The following WIF1 variants were observed in gnomAD, a reference collection of about 807,000 sequenced individuals.
WIF1 encodes Wnt inhibitory factor 1.
Under a neutral mutation model 53.5 loss-of-function variants are expected in WIF1, and 35 were observed. That is an observed-to-expected ratio of 0.65 (90% CI 0.50 to 0.87). The LOEUF is 0.87. Ranked by LOEUF, WIF1 falls within the 40% of genes least tolerant of loss-of-function variation. The pLI, the probability that WIF1 is intolerant of heterozygous loss-of-function variation, is 0.00. For synonymous variants in WIF1, 171 were observed against 170.4 expected (o/e 1.00, Z -0.03); for missense variants, 467 against 476.8 (o/e 0.98, Z 0.19).
chr12:65,065,986 ACTT>A (rs143155326), intron 6 of WIF1, among the ~76,000 whole-genome samples: 2,138 of 152,290 alleles, frequency 0.014, 50 homozygotes, highest in African/African-American at 0.05. Flanking sequence ...GAGTCAGTAA[ACTT>A]CTAGGTTAGG....
chr12:65,059,109 AAGTTTC>A (rs1187259002), intron 7 of WIF1, among the ~76,000 whole-genome samples: 3 of 152,156 alleles, frequency 2.0e-5, no homozygotes, highest in Non-Finnish European at 4.4e-5. Context: ...AGATTTGACT[AAGTTTC>A]AGCTGGTGGC....
chr12:65,099,464 A>G (rs557077665), intron 2 of WIF1, among the ~76,000 whole-genome samples: 19 of 152,308 alleles, frequency 1.2e-4, no homozygotes, highest in African/African-American at 4.6e-4. Flanking sequence ...CAGTCTATAA[A>G]CAATAATTTG....
intron 2 of WIF1, among the ~76,000 whole-genome samples, chr12:65,086,173 A>T (rs936328804): frequency 6.6e-6 from 1 of 152,138 alleles, no homozygotes; most frequent in South Asian, 2.1e-4. Context: ...TATTGGTATA[A>T]ATATAGTCTT....
chr12:65,086,739 A>C (rs1385123846), intron 2 of WIF1, among the ~76,000 whole-genome samples: 1 of 145,508 alleles, frequency 6.9e-6, no homozygotes, highest in Admixed American at 6.9e-5. Context: ...CAAGGCTTAC[A>C]TTTGAATATT....
chr12:65,062,049 A>G (rs1189672214), intron 7 of WIF1, among the ~76,000 whole-genome samples: 1 of 151,582 alleles, frequency 6.6e-6, no homozygotes, highest in Non-Finnish European at 1.5e-5. Context: ...TTTCTCTTAG[A>G]TGGGTTGTTA....
intron 2 of WIF1, among the ~76,000 whole-genome samples, chr12:65,104,413 C>A (rs545046978): frequency 6.6e-6 from 1 of 152,286 alleles, no homozygotes; most frequent in African/African-American, 2.4e-5. Context: ...GATGAAGATT[C>A]AGAAATATCC....
chr12:65,095,632 G>A (rs1231245470), intron 2 of WIF1: 1 of 152,108 alleles, frequency 6.6e-6, no homozygotes, highest in African/African-American at 2.4e-5. Flanking sequence ...AAGAGATCAG[G>A]TTTTTGAATA....
At chr12:65,092,915 C>T (rs1883147708) in intron 2 of WIF1, among the ~76,000 whole-genome samples, 1 of 152,082 alleles carries the variant, frequency 6.6e-6, no homozygotes, top group African/African-American at 2.4e-5. Flanking sequence ...CTGTCTGCCT[C>T]TTACCTCTGA....
intron 7 of WIF1, among the ~76,000 whole-genome samples, chr12:65,059,999 T>C (rs1882586726): frequency 6.7e-6 from 1 of 149,592 alleles, no homozygotes; most frequent in East Asian, 2.0e-4. Flanking sequence ...AAAATAAACA[T>C]GGCATCGGAG....
At chr12:65,097,253 G>C (rs1181999533) in intron 2 of WIF1, among the ~76,000 whole-genome samples, 2 of 151,788 alleles carry the variant, frequency 1.3e-5, no homozygotes, top group African/African-American at 4.8e-5. Context: ...GAACAACCTA[G>C]ACATCAACAT....
chr12:65,120,502 T>A lies in WIF1; in HGVS notation c.203A>T (p.His68Leu). ...VSEGKMAPFT[H>L]DFRKAQQRMP... ...TCTCTGTTGTGCTTTTCTGAAATCA[T>A]GTGTAAAAGGTGCCATTTTCCCCTC... The change falls in exon 2 of 10, where the codon CAT becomes CTT. Residue 68 changes from histidine (H) to leucine (L), a missense_variant. Transcript: ENST00000286574. 1 of 1,614,138 alleles carries A rather than the reference T, an allele frequency of 6.2e-7. No homozygotes were observed. The highest frequency in any genetic ancestry group is 8.5e-7 in the Non-Finnish European group (1 of 1,180,006).
At position 65,057,062 on chromosome 12, in the gene WIF1, T is replaced by G. The variant is rs914553966; in HGVS notation, c.827-936A>C. ...CAGGATCTGCATGCAGCTAGTTTATTTGGGGAAGTGATTGTAGGAAACAGG... is the reference window on the plus strand; with the variant it reads ...CAGGATCTGCATGCAGCTAGTTTATGTGGGGAAGTGATTGTAGGAAACAGG... On this transcript the variant is annotated intron_variant, in intron 7 of 9. Transcript: ENST00000286574. Among the ~76,000 whole-genome samples the G allele has an allele frequency of 4.6e-5, 7 of 152,120 alleles. No individual in the cohort carries two copies. In the East Asian group the frequency reaches 1.3e-3, roughly 29 times the overall value.
chr12:65,105,457 C>T (rs1301108023), intron 2 of WIF1, among the ~76,000 whole-genome samples: 1 of 152,162 alleles, frequency 6.6e-6, no homozygotes, highest in South Asian at 2.1e-4. Flanking sequence ...GTTTATTTAG[C>T]TCTTGATTCT....
chr12:65,067,707 G>A lies in WIF1; in HGVS notation c.622C>T (p.His208Tyr). The change falls in exon 5 of 10, where the codon CAC (histidine) becomes TAC (tyrosine). Residue 208 changes from histidine (H) to tyrosine (Y), a missense_variant. Physicochemically the swap from His to Tyr is moderately conservative, Grantham distance 83. Coordinates refer to ENST00000286574, the MANE Select transcript of WIF1 (RefSeq NM_007191.5). ...CECPDGFHGPHCEKALCTPRC... is the reference protein window; with the variant it reads ...CECPDGFHGPYCEKALCTPRC... ...CTCCATGTCTTACCTTTCTCACAGTGAGGTCCGTGGAACCCATCAGGACAC... is the reference window on the plus strand; with the variant it reads ...CTCCATGTCTTACCTTTCTCACAGTAAGGTCCGTGGAACCCATCAGGACAC... 1.9e-6 allele frequency: 3 copies of A among 1,613,230 alleles called. No homozygotes were observed. In the South Asian group the frequency reaches 3.3e-5, roughly 18 times the overall value.
rs184967564 is a variant in WIF1, at chr12:65,105,710, C to T, written c.288+14707G>A. Among the ~76,000 whole-genome samples the T allele has an allele frequency of 2.0e-4, 30 of 152,202 alleles. 1 individual carries two copies. Among genetic ancestry groups the T allele is most frequent in the Admixed American group, 1.6e-3 (25 of 15,286 alleles). On this transcript the variant is annotated intron_variant, in intron 2 of 9. Transcript: ENST00000286574. ...AGTCTCACGAGAGAAAGCACTCACCCGCTACTGTGAGGGTGGTACCAATAG... is the reference window on the plus strand; with the variant it reads ...AGTCTCACGAGAGAAAGCACTCACCTGCTACTGTGAGGGTGGTACCAATAG...
chr12:65,072,998 C>A (rs955928382), intron 3 of WIF1, among the ~76,000 whole-genome samples: 2 of 152,196 alleles, frequency 1.3e-5, no homozygotes, highest in African/African-American at 4.8e-5. Context: ...TCAACTAACT[C>A]TTCTACAGAA....
In WIF1 at chr12:65,050,997, A is replaced by C. The variant is rs1195382426; in HGVS notation, c.*352T>G. ...CCATCCAAATTCTTGTGACTTACGC[A>C]TTTTTGCCCAATTTAACCTTTCTGA... is the stretch of plus-strand genomic sequence containing the variant. On this transcript the variant is annotated 3_prime_UTR_variant, in exon 10 of 10. Transcript: ENST00000286574. 4.1e-6 allele frequency: 1 copy of C among 241,204 alleles called. No homozygotes were observed. The highest frequency in any genetic ancestry group is 8.1e-6 in the Non-Finnish European group (1 of 123,608). 14.9% of individuals were successfully genotyped at this position (241,204 alleles called of 1,614,324 possible).
chr12:65,094,825 C>T (rs1473493348), intron 2 of WIF1, among the ~76,000 whole-genome samples: 3 of 152,070 alleles, frequency 2.0e-5, no homozygotes, highest in African/African-American at 7.2e-5. Flanking sequence ...CCTCCCACTC[C>T]CCACTCCATC....
intron 1 of WIF1, 56 bp from the exon 2 acceptor site, chr12:65,120,612 C>T: frequency 6.4e-7 from 1 of 1,562,058 alleles, no homozygotes; most frequent in Non-Finnish European, 8.6e-7. Flanking sequence ...TCATCTAAAT[C>T]AGAAGTTTCA....
Sources: allele counts gnomAD v4.1 joint callset (sites outside exome capture counted in the v4.1 genomes callset), GRCh38; gene constraint gnomAD v4.1.1; transcripts MANE v1.5; gene names NCBI Gene and HGNC (gene_info 2026-07-23, HGNC 2026-07-21).